RYR2: variants seen among roughly 807,000 people sequenced by gnomAD.
RYR2 encodes cardiac muscle ryanodine receptor-calcium release channel.
A neutral mutation model predicts 601.1 loss-of-function variants in RYR2; 227 were observed. The observed-to-expected ratio is 0.38, with a 90% CI of 0.34 to 0.42. The LOEUF (loss-of-function observed/expected upper bound fraction) is 0.42, where lower values mean the gene tolerates loss of function less well. Among genes scored for constraint, RYR2 ranks in the 10% least tolerant of loss-of-function variants. The pLI is 1.00. For synonymous variants in RYR2, 2,223 were observed against 2,175.1 expected (o/e 1.02, Z -0.61); for missense variants, 4,646 against 6,156.5 (o/e 0.75, Z 8.21).
chr1:237,196,240 A>G (rs555187832), intron 1 of RYR2, among the ~76,000 whole-genome samples: 1 of 152,284 alleles, frequency 6.6e-6, no homozygotes, highest in Non-Finnish European at 1.5e-5. Context: ...ACAAAATTTA[A>G]AAAAATTTTG....
intron 5 of RYR2, among the ~76,000 whole-genome samples, chr1:237,369,046 A>G (rs1009622074): frequency 3.3e-5 from 5 of 151,788 alleles, no homozygotes; most frequent in African/African-American, 1.2e-4. Flanking sequence ...TTGGTCTCGA[A>G]CTCCTGACCT....
intron 1 of RYR2, among the ~76,000 whole-genome samples, chr1:237,151,529 C>T (rs1674706295): frequency 6.6e-6 from 1 of 152,190 alleles, no homozygotes; most frequent in Non-Finnish European, 1.5e-5. Flanking sequence ...TTATAGAACT[C>T]AGTCAGAAAG....
intron 61 of RYR2, among the ~76,000 whole-genome samples, chr1:237,679,783 T>G (rs1685703079): frequency 6.6e-6 from 1 of 152,012 alleles, no homozygotes; most frequent in South Asian, 2.1e-4. Flanking sequence ...AAATTGCCAC[T>G]GAGTTGAGAT....
At chr1:237,309,943 G>A (rs1435659776) in intron 2 of RYR2, among the ~76,000 whole-genome samples, 4 of 152,156 alleles carry the variant, frequency 2.6e-5, no homozygotes, top group Non-Finnish European at 5.9e-5. Flanking sequence ...CCGAGCCCAC[G>A]CTCACCAGCA....
intron 79 of RYR2, among the ~76,000 whole-genome samples, chr1:237,737,446 C>T (rs1465116762): frequency 2.0e-5 from 3 of 152,222 alleles, no homozygotes; most frequent in Non-Finnish European, 2.9e-5. Context: ...TGTATGGGAA[C>T]TGTACCCTCA....
At chr1:237,166,067 G>A (rs1226228895) in intron 1 of RYR2, among the ~76,000 whole-genome samples, 1 of 152,176 alleles carries the variant, frequency 6.6e-6, no homozygotes, top group Non-Finnish European at 1.5e-5. Context: ...GTTTGAAGAT[G>A]ATCTTAATGA....
chr1:237,061,282 TC>T (rs1662845527), intron 1 of RYR2, among the ~76,000 whole-genome samples: 1 of 26,438 alleles, frequency 3.8e-5, no homozygotes, highest in African/African-American at 7.8e-5. Context: ...CTATCATCTA[TC>T]TATCTATCTA....
chr1:237,209,958 T>A (rs1169180212), intron 1 of RYR2, among the ~76,000 whole-genome samples: 1 of 152,218 alleles, frequency 6.6e-6, no homozygotes, highest in Non-Finnish European at 1.5e-5. Context: ...CTTTGTGATA[T>A]TTTTAATGAG....
chr1:237,463,816 C>A (rs1362332170), intron 16 of RYR2, among the ~76,000 whole-genome samples: 1 of 152,180 alleles, frequency 6.6e-6, no homozygotes, highest in Non-Finnish European at 1.5e-5. Flanking sequence ...TCGAAGATGA[C>A]AGTGGTGCTC....
At chr1:237,468,750 C>G (rs1010980347) in intron 16 of RYR2, among the ~76,000 whole-genome samples, 1 of 152,142 alleles carries the variant, frequency 6.6e-6, no homozygotes, top group Non-Finnish European at 1.5e-5. Context: ...AATTTAATCT[C>G]ATGGCTAATT....
intron 1 of RYR2, among the ~76,000 whole-genome samples, chr1:237,103,778 AG>A (rs376521035): frequency 3.3e-5 from 5 of 152,310 alleles, no homozygotes; most frequent in African/African-American, 1.2e-4. Context: ...CATGTTGGCC[AG>A]GCTGGTCTCG....
At chr1:237,741,998 T>C (rs559331738) in intron 79 of RYR2, among the ~76,000 whole-genome samples, 1 of 152,214 alleles carries the variant, frequency 6.6e-6, no homozygotes, top group Admixed American at 6.5e-5. Flanking sequence ...GCAGTTTGGT[T>C]TGAATGAGGC....
At chr1:237,310,417 T>A (rs1190323108) in intron 2 of RYR2, among the ~76,000 whole-genome samples, 1 of 152,216 alleles carries the variant, frequency 6.6e-6, no homozygotes, top group African/African-American at 2.4e-5. Flanking sequence ...AGCAGATAGC[T>A]ACAGATAAAA....
At chr1:237,700,601 C>T (rs1687883817) in intron 65 of RYR2, 134 bp downstream of exon 65, 9 of 605,464 alleles carry the variant, frequency 1.5e-5, no homozygotes, top group South Asian at 8.7e-5. Flanking sequence ...TATTGCAAAA[C>T]GTTATAGGTT....
Position 237,832,741 on chromosome 1 carries a change from G to C in RYR2, c.*94G>C. The C allele has an allele frequency of 1.5e-6, 1 of 673,638 alleles. No individual in the cohort carries two copies. The highest frequency in any genetic ancestry group is 2.1e-5 in the South Asian group (1 of 48,134). The allele number at this position is 673,638 out of a possible 1,614,324, so 41.7% of individuals were successfully genotyped here. ...CTCTTGGAAACATTTTGCTGATTTT[G>C]TGAATTGCCAGCGTTGTGTGTTTTC... On this transcript the variant is annotated 3_prime_UTR_variant, in exon 105 of 105. Coordinates refer to ENST00000366574, the MANE Select transcript of RYR2 (RefSeq NM_001035.3).
chr1:237,645,275 T>C (rs115338455), intron 48 of RYR2, among the ~76,000 whole-genome samples: 349 of 152,262 alleles, frequency 2.3e-3, no homozygotes, highest in African/African-American at 8.1e-3. Flanking sequence ...ACCATAATAA[T>C]TGAACGCCCA....
intron 1 of RYR2, among the ~76,000 whole-genome samples, chr1:237,071,533 G>A (rs1358269613): frequency 3.3e-5 from 5 of 152,162 alleles, no homozygotes; most frequent in Non-Finnish European, 7.4e-5. Context: ...CGAGTCCAGG[G>A]TTTTTATGGG....
At chr1:237,529,229 A>G (rs140117737) in intron 24 of RYR2, among the ~76,000 whole-genome samples, 18 of 152,170 alleles carry the variant, frequency 1.2e-4, no homozygotes, top group African/African-American at 3.6e-4. Flanking sequence ...TTGCTGATCA[A>G]TCCCTTTCAA....
intron 1 of RYR2, among the ~76,000 whole-genome samples, chr1:237,075,674 TGCAAGGCG>T (rs1210873859): frequency 1.5e-4 from 2 of 13,648 alleles, no homozygotes; most frequent in East Asian, 2.5e-3. Context: ...GAGATCAAAC[TGCAAGGCG>T]GCAACGAGGC....
Sources: gnomAD v4.1 joint callset for allele counts (sites outside exome capture counted in the v4.1 genomes callset) on GRCh38, gnomAD v4.1.1 for gene constraint, MANE v1.5 for transcripts, NCBI Gene and HGNC (gene_info 2026-07-23, HGNC 2026-07-21) for gene names.